Variants in TUBGCP6 observed in about 807,000 individuals in gnomAD.
TUBGCP6 encodes the protein gamma-tubulin complex component 6.
A neutral mutation model predicts 175.8 loss-of-function variants in TUBGCP6; 161 were observed. The observed-to-expected ratio is 0.92, with a 90% CI of 0.81 to 1.04. TUBGCP6 has a LOEUF of 1.04. TUBGCP6 is among the 50% of genes least tolerant of loss of function. The pLI is 0.00. For missense variants in TUBGCP6, 2,572 were observed against 2,433.0 expected, an observed-to-expected ratio of 1.06 and a Z score of -1.20; for synonymous variants, 1,173 against 1,030.5, an observed-to-expected ratio of 1.14 and a Z score of -2.65.
At position 50,220,405 on chromosome 22, in the gene TUBGCP6, C is replaced by A; in HGVS notation, c.3954G>T (p.Gly1318=). 1 of 1,581,208 alleles carries A rather than the reference C, an allele frequency of 6.3e-7. No individual in the cohort carries two copies. The highest frequency in any genetic ancestry group is 1.1e-5 in the South Asian group (1 of 87,620). The change falls in exon 16 of 25, where the codon GGG becomes GGT. Residue 1318 remains glycine, a synonymous_variant. Transcript: ENST00000248846. ...GCCCCACTTCTACAGGCAGCCGTGG[C>A]CCACAGTCCAGCACAGTGCTCTGTG... The part of the protein sequence containing the change: ...LGAQSTVLDC[G]PRLPVEVGPS...
chr22:50,237,806 T>C (rs1383674964), intron 2 of TUBGCP6, among the ~76,000 whole-genome samples: 2 of 152,038 alleles, frequency 1.3e-5, no homozygotes, highest in Non-Finnish European at 1.5e-5. Flanking sequence ...CCCGAAAAAA[T>C]GAACCTAGAA....
Position 50,221,254 on chromosome 22 carries a change from G to C in TUBGCP6, c.3105C>G (p.Pro1035=). The part of the protein sequence containing the change: ...LFGQVSGGGL[P]TGDYASEIAP... ...CTATTTCAGAAGCGTAGTCCCCTGTGGGAAGACCACCCCCTGACACCTGCC... is the reference window on the plus strand; with the variant it reads ...CTATTTCAGAAGCGTAGTCCCCTGTCGGAAGACCACCCCCTGACACCTGCC... Residue 1035 remains proline (P), a synonymous_variant, in exon 16 of 25, where the codon CCC becomes CCG. Coordinates refer to ENST00000248846, the MANE Select transcript of TUBGCP6 (RefSeq NM_020461.4). 6.2e-7 allele frequency: 1 copy of C among 1,614,100 alleles called. No individual in the cohort carries two copies. Among genetic ancestry groups the C allele is most frequent in the Non-Finnish European group, 8.5e-7 (1 of 1,180,038 alleles).
At position 50,220,727 on chromosome 22, in the gene TUBGCP6, C is replaced by T. The variant is rs370735400; in HGVS notation, c.3632G>A (p.Arg1211Gln). 5 of 1,611,214 alleles carry T rather than the reference C, an allele frequency of 3.1e-6. No homozygotes were observed. Among genetic ancestry groups the T allele is most frequent in the Admixed American group, 1.7e-5 (1 of 58,972 alleles). Reference sequence around the variant, plus strand: ...AGACACATGTCCGTGGGTGTTCCACCGTGGCCGGGTGGGAGCCATGTCTGA... The same window carrying T: ...AGACACATGTCCGTGGGTGTTCCACTGTGGCCGGGTGGGAGCCATGTCTGA... ...SVSDMAPTRPRWNTHGHVSDT... is the reference protein window; with the variant it reads ...SVSDMAPTRPQWNTHGHVSDT... Residue 1211 changes from arginine to glutamine, a missense_variant, in exon 16 of 25, where the codon CGG (arginine) becomes CAG (glutamine). Transcript: ENST00000248846.
chr22:50,227,025 C>G lies in TUBGCP6; in HGVS notation c.1465G>C (p.Gly489Arg). The change falls in exon 6 of 25, where the codon GGA becomes CGA. Residue 489 changes from glycine (G) to arginine (R), a missense_variant. By Grantham distance (125) the Gly-to-Arg change is moderately radical. Coordinates refer to ENST00000248846, the MANE Select transcript of TUBGCP6 (RefSeq NM_020461.4). ...GTGGGAAACGCGGCCCTGGGGCCTC[C>G]TCCACAGGTGCCCGGGAGCACAGCG... ...VGAVLPGTCG[G>R]GPRAAFPTGV... 6.2e-7 allele frequency: 1 copy of G among 1,612,516 alleles called. No homozygotes were observed. Among genetic ancestry groups the G allele is most frequent in the Middle Eastern group, 1.7e-4 (1 of 6,052 alleles).
At chr22:50,233,009 C>T (rs1246767960) in intron 3 of TUBGCP6, among the ~76,000 whole-genome samples, 1 of 152,204 alleles carries the variant, frequency 6.6e-6, no homozygotes, top group Non-Finnish European at 1.5e-5. Flanking sequence ...TGGGAAGGCT[C>T]GGAAGGCGCC....
At position 50,229,022 on chromosome 22, in the gene TUBGCP6, C is replaced by A. The variant is rs575866000; in HGVS notation, c.1290+382G>T. 5.9e-5 allele frequency among the ~76,000 whole-genome samples: 9 copies of A among 152,272 alleles called. 1 individual carries two copies. In the South Asian group the frequency reaches 1.9e-3, roughly 32 times the overall value. On this transcript the variant is annotated intron_variant, in intron 4 of 24. Coordinates refer to ENST00000248846, the MANE Select transcript of TUBGCP6 (RefSeq NM_020461.4). ...CGGAGCCAGACTTGGCTCAGAACTCCCAGCAATGTAAATTCACCCAACAGG... is the reference window on the plus strand; with the variant it reads ...CGGAGCCAGACTTGGCTCAGAACTCACAGCAATGTAAATTCACCCAACAGG...
chr22:50,221,674 G>A lies in TUBGCP6; in HGVS notation c.2685C>T (p.Ser895=). 6.6e-7 allele frequency: 1 copy of A among 1,518,474 alleles called. No individual in the cohort carries two copies. Among genetic ancestry groups the A allele is most frequent in the South Asian group, 1.3e-5 (1 of 75,366 alleles). 94.1% of individuals were successfully genotyped at this position (1,518,474 alleles called of 1,614,324 possible). ...EGARPFSDSL[S]IGDFLPVGPG... ...GGCCCACAGGTAGGAAGTCTCCAAT[G>A]CTGAGGCTGTCAGAGAAGGGTCTGG... is the stretch of plus-strand genomic sequence containing the variant. The change falls in exon 16 of 25, where the codon AGC becomes AGT. Residue 895 remains serine, a synonymous_variant. Transcript: ENST00000248846.
chr22:50,233,259 C>T (rs2064716538), intron 3 of TUBGCP6, 57 bp downstream of exon 3: 4 of 1,573,130 alleles, frequency 2.5e-6, no homozygotes, highest in African/African-American at 1.4e-5. Flanking sequence ...CTGGGCACTG[C>T]GTGGTGGAGG....
chr22:50,238,141 G>GAA (rs1214460583), intron 2 of TUBGCP6, among the ~76,000 whole-genome samples: 2 of 147,190 alleles, frequency 1.4e-5, no homozygotes, highest in African/African-American at 5.2e-5. Context: ...AAAGAAAAGA[G>GAA]AGAGAGAGAG....
At chr22:50,233,705 G>A (rs2064723525) in intron 2 of TUBGCP6, among the ~76,000 whole-genome samples, 179 bp from the exon 3 acceptor site, 1 of 152,110 alleles carries the variant, frequency 6.6e-6, no homozygotes, top group Non-Finnish European at 1.5e-5. Flanking sequence ...TGTGGATGCT[G>A]CTGCTGTGAA....
chr22:50,239,796 C>T (rs1160221415), intron 2 of TUBGCP6, among the ~76,000 whole-genome samples: 1 of 152,242 alleles, frequency 6.6e-6, no homozygotes, highest in East Asian at 1.9e-4. Context: ...GCATTTCTTC[C>T]TGGCACTAAT....
Position 50,225,927 on chromosome 22 carries a change from G to A in TUBGCP6, c.1850C>T (p.Ser617Phe), listed in dbSNP as rs771488056. 6.2e-7 allele frequency: 1 copy of A among 1,613,614 alleles called. No individual in the cohort carries two copies. Among genetic ancestry groups the A allele is most frequent in the African/African-American group, 1.3e-5 (1 of 74,918 alleles). ...LCCPRHYLCWSDVPVPRISVI... is the reference protein window; with the variant it reads ...LCCPRHYLCWFDVPVPRISVI... ...CGAGATCCGGGGGACAGGGACGTCG[G>A]ACCAACAGAGGTAATGCTGCCAAAG... Residue 617 changes from serine to phenylalanine, a missense_variant, in exon 10 of 25, where the codon TCC becomes TTC. By Grantham distance (155) the Ser-to-Phe change is radical (BLOSUM62 -2). Coordinates refer to ENST00000248846, the MANE Select transcript of TUBGCP6 (RefSeq NM_020461.4).
chr22:50,234,070 A>G (rs1318591652), intron 2 of TUBGCP6, among the ~76,000 whole-genome samples: 1 of 142,116 alleles, frequency 7.0e-6, no homozygotes, highest in African/African-American at 2.7e-5. Flanking sequence ...CCCCCTGTCC[A>G]TGGCAGCATC....
At chr22:50,234,025 CATCCACATCCA>C (rs2064727817) in intron 2 of TUBGCP6, among the ~76,000 whole-genome samples, 2 of 151,334 alleles carry the variant, frequency 1.3e-5, no homozygotes, top group African/African-American at 4.9e-5. Context: ...TCCACAGCAG[CATCCACATCCA>C]GGTCCACTGC....
At chr22:50,227,650 A>T (rs1362417092) in intron 5 of TUBGCP6, among the ~76,000 whole-genome samples, 1 of 152,078 alleles carries the variant, frequency 6.6e-6, no homozygotes, top group Non-Finnish European at 1.5e-5. Context: ...ATCTCCAGGG[A>T]CCCTGTGTGC....
intron 5 of TUBGCP6, among the ~76,000 whole-genome samples, chr22:50,227,518 G>A (rs2064630027): frequency 6.6e-6 from 1 of 152,166 alleles, no homozygotes; most frequent in African/African-American, 2.4e-5. Context: ...TCCTCAGCCT[G>A]GAAGGTCGCC....
intron 15 of TUBGCP6, 42 bp from the exon 16 acceptor site, chr22:50,221,916 C>A (rs371074869): frequency 6.5e-7 from 1 of 1,545,460 alleles, no homozygotes; most frequent in East Asian, 2.3e-5. Context: ...GTCTCAGGAC[C>A]CCCCAGCCCT....
At chr22:50,224,080 G>A in intron 13 of TUBGCP6, 61 bp downstream of exon 13, 3 of 1,446,822 alleles carry the variant, frequency 2.1e-6, no homozygotes, top group Non-Finnish European at 2.9e-6. Context: ...GTAAGATTAA[G>A]CCAGAGCTAT....
chr22:50,217,869 A>G, intron 24 of TUBGCP6, 42 bp from the exon 25 acceptor site: 1 of 1,608,324 alleles, frequency 6.2e-7, no homozygotes, highest in Non-Finnish European at 8.5e-7. Context: ...CCACAGTGTG[A>G]GCCCCGCCCT....
Sources: gnomAD v4.1 joint callset for allele counts (sites outside exome capture counted in the v4.1 genomes callset) on GRCh38, gnomAD v4.1.1 for gene constraint, MANE v1.5 for transcripts, NCBI Gene and HGNC (gene_info 2026-07-23, HGNC 2026-07-21) for gene names.